RNGTT: variants seen among roughly 807,000 people sequenced by gnomAD.
RNGTT encodes the protein mRNA-capping enzyme.
Under a neutral mutation model 79.3 loss-of-function variants are expected in RNGTT, and 33 were observed. That is an observed-to-expected ratio of 0.42 (90% CI 0.32 to 0.56). The LOEUF (loss-of-function observed/expected upper bound fraction) is 0.56, where lower values mean the gene tolerates loss of function less well. Ranked by LOEUF, RNGTT falls within the 20% of genes least tolerant of loss-of-function variation. The pLI is 0.17. For missense variants in RNGTT, 497 were observed against 739.1 expected, an observed-to-expected ratio of 0.67 and a Z score of 3.80; for synonymous variants, 222 against 235.9, an observed-to-expected ratio of 0.94 and a Z score of 0.54.
intron 8 of RNGTT, among the ~76,000 whole-genome samples, chr6:88,888,643 A>G (rs978605540): frequency 1.3e-5 from 2 of 152,212 alleles, no homozygotes; most frequent in African/African-American, 4.8e-5. Context: ...AGGCTAGTTC[A>G]TTAAGGAAGT....
intron 13 of RNGTT, among the ~76,000 whole-genome samples, chr6:88,697,371 G>A (rs1194161475): frequency 6.6e-6 from 1 of 151,834 alleles, no homozygotes; most frequent in East Asian, 1.9e-4. Context: ...CTAACACGGT[G>A]AAACCCTGTC....
chr6:88,769,899 A>C, intron 12 of RNGTT, 25 bp from the exon 13 acceptor site: 1 of 1,501,344 alleles, frequency 6.7e-7, no homozygotes, highest in Non-Finnish European at 9.2e-7. Flanking sequence ...AATGATGACA[A>C]TCGTTACTAA....
intron 14 of RNGTT, among the ~76,000 whole-genome samples, chr6:88,638,906 A>C (rs1296405745): frequency 2.0e-5 from 3 of 152,202 alleles, no homozygotes; most frequent in African/African-American, 7.2e-5. Flanking sequence ...AATTTGTTGA[A>C]ATATGTAACT....
At chr6:88,830,496 C>G (rs994245334) in intron 11 of RNGTT, among the ~76,000 whole-genome samples, 1 of 151,796 alleles carries the variant, frequency 6.6e-6, no homozygotes, top group Admixed American at 6.6e-5. Context: ...AATCAACACC[C>G]TAACATCACA....
At chr6:88,880,578 G>A (rs1782665743) in intron 8 of RNGTT, among the ~76,000 whole-genome samples, 1 of 152,046 alleles carries the variant, frequency 6.6e-6, no homozygotes, top group African/African-American at 2.4e-5. Flanking sequence ...CCTTTTGTTG[G>A]TCTGTTACAT....
At chr6:88,963,048 C>T (rs1785694240) in intron 1 of RNGTT, among the ~76,000 whole-genome samples, 1 of 152,080 alleles carries the variant, frequency 6.6e-6, no homozygotes, top group Non-Finnish European at 1.5e-5. Flanking sequence ...TCGCAAACTA[C>T]TAAGACTCAA....
intron 12 of RNGTT, among the ~76,000 whole-genome samples, chr6:88,794,118 T>A (rs1352276777): frequency 6.6e-6 from 1 of 152,188 alleles, no homozygotes; most frequent in Non-Finnish European, 1.5e-5. Context: ...GATGAAAAAC[T>A]GGAGAATCAA....
chr6:88,804,096 A>G (rs770399723), intron 11 of RNGTT, among the ~76,000 whole-genome samples: 7 of 152,200 alleles, frequency 4.6e-5, no homozygotes, highest in South Asian at 2.1e-4. Context: ...TTCAAAATAC[A>G]TAACTCCTCA....
intron 14 of RNGTT, among the ~76,000 whole-genome samples, chr6:88,658,498 G>A (rs1387213941): frequency 6.6e-6 from 1 of 152,202 alleles, no homozygotes; most frequent in East Asian, 1.9e-4. Context: ...AAGGGCAATA[G>A]TAATCATTGC....
At chr6:88,857,689 G>A (rs1781884535) in intron 8 of RNGTT, among the ~76,000 whole-genome samples, 1 of 152,004 alleles carries the variant, frequency 6.6e-6, no homozygotes, top group Non-Finnish European at 1.5e-5. Context: ...TGGGAAAAAA[G>A]CAAGTTTAAA....
chr6:88,772,381 T>C (rs1048203221), intron 12 of RNGTT, among the ~76,000 whole-genome samples: 1 of 152,086 alleles, frequency 6.6e-6, no homozygotes, highest in Non-Finnish European at 1.5e-5. Flanking sequence ...GTGCAATCTC[T>C]AAGAAAATTC....
At chr6:88,886,721 TCAAA>T (rs1221545917) in intron 8 of RNGTT, among the ~76,000 whole-genome samples, 3 of 152,220 alleles carry the variant, frequency 2.0e-5, no homozygotes, top group Non-Finnish European at 2.9e-5. Context: ...AATTCTTCCA[TCAAA>T]CAAACTTTCA....
intron 13 of RNGTT, among the ~76,000 whole-genome samples, chr6:88,678,807 G>C (rs1376907385): frequency 6.6e-6 from 1 of 151,960 alleles, no homozygotes; most frequent in Non-Finnish European, 1.5e-5. Context: ...TAATAATAAT[G>C]ATCAGTAAAA....
chr6:88,910,047 C>T (rs1206237518), intron 4 of RNGTT, among the ~76,000 whole-genome samples: 1 of 151,778 alleles, frequency 6.6e-6, no homozygotes, highest in African/African-American at 2.4e-5. Context: ...GAGAAGTAAT[C>T]AGTGCAAGAA....
At chr6:88,868,006 AC>A (rs1475716111) in intron 8 of RNGTT, among the ~76,000 whole-genome samples, 2 of 152,172 alleles carry the variant, frequency 1.3e-5, no homozygotes, top group Non-Finnish European at 2.9e-5. Context: ...TGCCATCACA[AC>A]CTTTTTCTTC....
Position 88,928,989 on chromosome 6 carries a change from A to T in RNGTT, c.363T>A (p.Leu121=), listed in dbSNP as rs1486879376. 8.1e-6 allele frequency: 13 copies of T among 1,605,740 alleles called. No homozygotes were observed. The highest frequency in any genetic ancestry group is 1.1e-5 in the Non-Finnish European group (13 of 1,175,920). Residue 121 remains leucine, a synonymous_variant, in exon 4 of 16, where the codon CTT becomes CTA. Coordinates refer to ENST00000369485, the MANE Select transcript of RNGTT (RefSeq NM_003800.5). ...GCAAAGTAAAGCCAAACATACCTAT[A>T]AGTTCAGGTGGATTTCTTTCATTAA... ...ERFNERNPPE[L]IGVHCTHGFN... is the part of the protein sequence containing the mutation.
chr6:88,938,197 A>C (rs1352234149), intron 2 of RNGTT, among the ~76,000 whole-genome samples: 4 of 152,214 alleles, frequency 2.6e-5, no homozygotes, highest in African/African-American at 9.6e-5. Context: ...TTTGCTTTAT[A>C]TATCTGGGTA....
chr6:88,920,954 C>A (rs1784145328), intron 4 of RNGTT, among the ~76,000 whole-genome samples: 1 of 152,106 alleles, frequency 6.6e-6, no homozygotes. Flanking sequence ...TGCTTTGGGC[C>A]TGCCAAATTT....
At chr6:88,941,990 T>C (rs1389607350) in intron 1 of RNGTT, among the ~76,000 whole-genome samples, 2 of 151,896 alleles carry the variant, frequency 1.3e-5, no homozygotes, top group African/African-American at 4.8e-5. Flanking sequence ...CCAGCTAATT[T>C]TTTTGCTGGG....
Sources: allele counts gnomAD v4.1 joint callset (sites outside exome capture counted in the v4.1 genomes callset), GRCh38; gene constraint gnomAD v4.1.1; transcripts MANE v1.5; gene names NCBI Gene and HGNC (gene_info 2026-07-23, HGNC 2026-07-21).